The following CFAP97D1 variants were observed in gnomAD, a reference collection of about 807,000 sequenced individuals.
The protein encoded by CFAP97D1 is CFAP97 domain containing 1.
In CFAP97D1, 15 loss-of-function variants were observed where a neutral mutation model predicts 20.5. That is an observed-to-expected ratio of 0.73 (90% CI 0.49 to 1.13). The LOEUF is 1.13. Among genes scored for constraint, CFAP97D1 ranks in the 50% most tolerant of loss-of-function variants. The probability of loss-of-function intolerance (pLI) is 0.00; values close to 1 mark genes in which losing one functional copy is unlikely to be tolerated. For missense variants in CFAP97D1, 168 were observed against 202.9 expected, an observed-to-expected ratio of 0.83 and a Z score of 1.04; for synonymous variants, 58 against 71.2, an observed-to-expected ratio of 0.82 and a Z score of 0.93.
chr17:43,781,801 G>A lies in CFAP97D1; in HGVS notation c.223G>A (p.Glu75Lys), dbSNP rs775180011. 27 of 1,551,390 alleles carry A rather than the reference G, an allele frequency of 1.7e-5. No homozygotes were observed. The highest frequency in any genetic ancestry group is 1.9e-5 in the Non-Finnish European group (22 of 1,146,872). Reference protein sequence around the residue: ...QGEQKKINKIEYENKQLCQKI... With the variant: ...QGEQKKINKIKYENKQLCQKI... The stretch of plus-strand genomic sequence containing the variant: ...TGAACAAAAGAAAATCAACAAAATC[G>A]AGTATGAAAACAAGCAACTGTGTCA... The change falls in exon 3 of 6, where the codon GAG becomes AAG. Residue 75 changes from glutamate to lysine, a missense_variant. Glu to Lys is a moderately conservative substitution (Grantham distance 56). Transcript: ENST00000449302.
chr17:43,785,002 GGA>G lies in CFAP97D1; in HGVS notation c.*642_*643del, dbSNP rs112634663. 14,809 of 146,262 alleles carry G rather than the reference GGA, an allele frequency of 0.1. 805 individuals are homozygous for G. Among genetic ancestry groups the G allele is most frequent in the African/African-American group, 0.17 (6,569 of 39,618 alleles). The allele number at this position is 146,262 out of a possible 1,614,324, so 9.1% of individuals were successfully genotyped here. ...ATTTGCCAAAGAGACAGACTCAATA[GGA>G]GAGAGAGAGAGAGAGAGAGAGTGAG... On this transcript the variant is annotated 3_prime_UTR_variant, in exon 6 of 6. Coordinates refer to ENST00000449302, the MANE Select transcript of CFAP97D1 (RefSeq NM_001136483.3).
chr17:43,783,871 A>C lies in CFAP97D1; in HGVS notation c.473A>C (p.Tyr158Ser). 1 of 1,550,622 alleles carries C rather than the reference A, an allele frequency of 6.4e-7. No homozygotes were observed. The highest frequency in any genetic ancestry group is 1.2e-5 in the South Asian group (1 of 84,050). The change falls in exon 5 of 6, where the codon TAT becomes TCT. Residue 158 changes from tyrosine (Y) to serine (S), a missense_variant. By Grantham distance (144) the Tyr-to-Ser change is moderately radical. Transcript: ENST00000449302. ...SRRYIRNTTR[Y>S]LLSQNE ...CGCTATATCAGAAATACCACGAGAT[A>C]TCTTCTCTCCCAAAATGAATAGGTA... is the stretch of plus-strand genomic sequence containing the variant.
Position 43,781,106 on chromosome 17 carries a change from C to T in CFAP97D1, c.125-13C>T, listed in dbSNP as rs1359347755. On this transcript the variant is annotated splice_polypyrimidine_tract_variant and intron_variant, in intron 1 of 5. Transcript: ENST00000449302. ...GTGATGTAACATTGTTCCCTTTTATCCCCCTTCTCTAGCGAAGCCTACTGT... is the reference window on the plus strand; with the variant it reads ...GTGATGTAACATTGTTCCCTTTTATTCCCCTTCTCTAGCGAAGCCTACTGT... 5 of 1,546,750 alleles carry T rather than the reference C, an allele frequency of 3.2e-6. No individual in the cohort carries two copies. Among genetic ancestry groups the T allele is most frequent in the Non-Finnish European group, 4.4e-6 (5 of 1,142,614 alleles).
At chr17:43,783,813 A>G (rs1471993706) in intron 4 of CFAP97D1, 24 bp from the exon 5 acceptor site, 6 of 1,541,434 alleles carry the variant, frequency 3.9e-6, no homozygotes, top group Admixed American at 2.0e-5. Context: ...TGGCATTGAC[A>G]TAAACCAATT....
At chr17:43,783,728 C>T in intron 4 of CFAP97D1, 109 bp from the exon 5 acceptor site, 1 of 837,402 alleles carries the variant, frequency 1.2e-6, no homozygotes, top group Non-Finnish European at 1.9e-6. Flanking sequence ...AAAACCTCCA[C>T]TTACCGACTT....
intron 2 of CFAP97D1, 106 bp downstream of exon 2, chr17:43,781,295 C>CA: frequency 1.1e-6 from 1 of 942,430 alleles, no homozygotes; most frequent in Non-Finnish European, 1.6e-6. Flanking sequence ...CCCATCTACT[C>CA]AAAGATTTGT....
At position 43,786,873 on chromosome 17, in the gene CFAP97D1, G is replaced by A. The variant is rs1451020667; in HGVS notation, c.*2491G>A. On this transcript the variant is annotated 3_prime_UTR_variant, in exon 6 of 6. Transcript: ENST00000449302. Reference sequence around the variant, plus strand: ...GTGTGTGCCTTTTTATTGCTGAGTAGTATTCCATGGTATGGACATGCTACA... The same window carrying A: ...GTGTGTGCCTTTTTATTGCTGAGTAATATTCCATGGTATGGACATGCTACA... 6.6e-6 allele frequency: 1 copy of A among 152,134 alleles called. No individual in the cohort carries two copies. Among genetic ancestry groups the A allele is most frequent in the African/African-American group, 2.4e-5 (1 of 41,394 alleles). 9.4% of individuals were successfully genotyped at this position (152,134 alleles called of 1,614,324 possible).
Position 43,781,757 on chromosome 17 carries a change from G to T in CFAP97D1, c.196-17G>T. 6.9e-7 allele frequency: 1 copy of T among 1,454,040 alleles called. No individual in the cohort carries two copies. The highest frequency in any genetic ancestry group is 9.5e-7 in the Non-Finnish European group (1 of 1,057,880). 90.1% of individuals were successfully genotyped at this position (1,454,040 alleles called of 1,614,324 possible). On this transcript the variant is annotated splice_polypyrimidine_tract_variant and intron_variant, in intron 2 of 5. Coordinates refer to ENST00000449302, the MANE Select transcript of CFAP97D1 (RefSeq NM_001136483.3). Reference sequence around the variant, plus strand: ...GCACTGATGGTGTCACCATGGTGAGGTGTGGTTTCTTACCAGGGTGAACAA... The same window carrying T: ...GCACTGATGGTGTCACCATGGTGAGTTGTGGTTTCTTACCAGGGTGAACAA...
rs1346606134 is a variant in CFAP97D1, at chr17:43,784,867, A to G, written c.*485A>G. ...ATTGAAGTTTCCATGGACTCTGTTCATTTATAGGGAGCAGCAGCAGTGAAA... is the reference window on the plus strand; with the variant it reads ...ATTGAAGTTTCCATGGACTCTGTTCGTTTATAGGGAGCAGCAGCAGTGAAA... On this transcript the variant is annotated 3_prime_UTR_variant, in exon 6 of 6. Transcript: ENST00000449302. 2 of 152,182 alleles carry G rather than the reference A, an allele frequency of 1.3e-5. No homozygotes were observed. Among genetic ancestry groups the G allele is most frequent in the African/African-American group, 4.8e-5 (2 of 41,446 alleles). 9.4% of individuals were successfully genotyped at this position (152,182 alleles called of 1,614,324 possible).
In CFAP97D1 at chr17:43,780,487, G is replaced by A. The variant is rs981564893; in HGVS notation, c.25G>A (p.Ala9Thr). 10 of 1,551,556 alleles carry A rather than the reference G, an allele frequency of 6.4e-6. No homozygotes were observed. The highest frequency in any genetic ancestry group is 8.7e-6 in the Non-Finnish European group (10 of 1,146,984). The part of the protein sequence containing the change: MNNSLDYL[A>T]YPVIVSNHRQ... The stretch of plus-strand genomic sequence containing the variant: ...GATGAACAATTCCCTGGATTATCTG[G>A]CCTACCCTGTTATCGTCTCTAATCA... The change falls in exon 1 of 6, where the codon GCC becomes ACC. Residue 9 changes from alanine to threonine, a missense_variant. By Grantham distance (58) the Ala-to-Thr change is moderately conservative. Coordinates refer to ENST00000449302, the MANE Select transcript of CFAP97D1 (RefSeq NM_001136483.3).
chr17:43,781,356 A>T (rs1598304375), intron 2 of CFAP97D1, among the ~76,000 whole-genome samples, 167 bp downstream of exon 2: 1 of 143,140 alleles, frequency 7.0e-6, no homozygotes, highest in African/African-American at 2.6e-5. Flanking sequence ...TTCCCCCCTG[A>T]TACGGAGTCT....
Position 43,780,472 on chromosome 17 carries a change from TC to T in CFAP97D1, c.13del (p.Leu5TrpfsTer37). MNN[S>X]LDYLAYPVIV... ...AGACTAGGAAGAGAAGATGAACAATTCCCTGGATTATCTGGCCTACCCTGTT... is the reference window on the plus strand; with the variant it reads ...AGACTAGGAAGAGAAGATGAACAATTCCTGGATTATCTGGCCTACCCTGTT... On this transcript the variant is annotated frameshift_variant, in exon 1 of 6. Coordinates refer to ENST00000449302, the MANE Select transcript of CFAP97D1 (RefSeq NM_001136483.3). LOFTEE classifies it high-confidence loss of function. 1 of 1,551,634 alleles carries T rather than the reference TC, an allele frequency of 6.4e-7. No individual in the cohort carries two copies. Among genetic ancestry groups the T allele is most frequent in the Admixed American group, 2.0e-5 (1 of 51,006 alleles).
rs1430042891 is a variant in CFAP97D1, at chr17:43,781,166, A to G, written c.172A>G (p.Ile58Val). 1.3e-6 allele frequency: 2 copies of G among 1,551,474 alleles called. No individual in the cohort carries two copies. Among genetic ancestry groups the G allele is most frequent in the Admixed American group, 2.0e-5 (1 of 51,006 alleles). ...ACCTCCAGTGGCGCACACAAATCAC[A>G]TTTTAAAATTGAGCAAACTACAGGT... ...TKPPVAHTNH[I>V]LKLSKLQGEQ... Residue 58 changes from isoleucine to valine, a missense_variant, in exon 2 of 6, where the codon ATT (isoleucine) becomes GTT (valine). Transcript: ENST00000449302.
Position 43,785,362 on chromosome 17 carries a change from T to C in CFAP97D1, c.*980T>C, listed in dbSNP as rs1356559804. ...AGAGTTTTGCAGTCATAGTTATACGTACTTTTAATTACATGTAGATTAAGG... is the reference window on the plus strand; with the variant it reads ...AGAGTTTTGCAGTCATAGTTATACGCACTTTTAATTACATGTAGATTAAGG... On this transcript the variant is annotated 3_prime_UTR_variant, in exon 6 of 6. Transcript: ENST00000449302. 1 of 152,190 alleles carries C rather than the reference T, an allele frequency of 6.6e-6. No individual in the cohort carries two copies. Among genetic ancestry groups the C allele is most frequent in the Non-Finnish European group, 1.5e-5 (1 of 68,044 alleles). 9.4% of individuals were successfully genotyped at this position (152,190 alleles called of 1,614,324 possible). A position where few individuals can be genotyped will look rare whatever the true frequency, so the allele number is the denominator to read the frequency against.
Position 43,787,415 on chromosome 17 carries a change from T to C in CFAP97D1, c.*3033T>C, listed in dbSNP as rs982358396. On this transcript the variant is annotated 3_prime_UTR_variant, in exon 6 of 6. Coordinates refer to ENST00000449302, the MANE Select transcript of CFAP97D1 (RefSeq NM_001136483.3). The stretch of plus-strand genomic sequence containing the variant: ...TTTGACAGAGTAAAATATTTTTATT[T>C]GGATGACATCCAATATATCAATGAT... 1 of 152,268 alleles carries C rather than the reference T, an allele frequency of 6.6e-6. No homozygotes were observed. Among genetic ancestry groups the C allele is most frequent in the African/African-American group, 2.4e-5 (1 of 41,470 alleles). 9.4% of individuals were successfully genotyped at this position (152,268 alleles called of 1,614,324 possible). A position where few individuals can be genotyped will look rare whatever the true frequency, so the allele number is the denominator to read the frequency against.
chr17:43,781,793 A>G lies in CFAP97D1; in HGVS notation c.215A>G (p.Asn72Ser), dbSNP rs777706935. The change falls in exon 3 of 6, where the codon AAC becomes AGC. Residue 72 changes from asparagine (N) to serine (S), a missense_variant. Coordinates refer to ENST00000449302, the MANE Select transcript of CFAP97D1 (RefSeq NM_001136483.3). Reference sequence around the variant, plus strand: ...TACCAGGGTGAACAAAAGAAAATCAACAAAATCGAGTATGAAAACAAGCAA... The same window carrying G: ...TACCAGGGTGAACAAAAGAAAATCAGCAAAATCGAGTATGAAAACAAGCAA... ...SKLQGEQKKI[N>S]KIEYENKQLC... The G allele has an allele frequency of 2.6e-6, 4 of 1,551,430 alleles. No homozygotes were observed. In the Admixed American group the frequency reaches 5.9e-5, roughly 23 times the overall value.
chr17:43,780,613 T>A (rs1476552254), intron 1 of CFAP97D1, 27 bp downstream of exon 1: 1 of 1,551,372 alleles, frequency 6.4e-7, no homozygotes, highest in Non-Finnish European at 8.7e-7. Flanking sequence ...GGCTGGACAC[T>A]GCTATTAGGG....
Position 43,783,904 on chromosome 17 carries a change from C to A in CFAP97D1, c.*11C>A. 6.5e-7 allele frequency: 1 copy of A among 1,542,656 alleles called. No homozygotes were observed. Among genetic ancestry groups the A allele is most frequent in the South Asian group, 1.2e-5 (1 of 83,862 alleles). On this transcript the variant is annotated intron_variant, in intron 5 of 5. Coordinates refer to ENST00000449302, the MANE Select transcript of CFAP97D1 (RefSeq NM_001136483.3). Reference sequence around the variant, plus strand: ...TCCCAAAATGAATAGGTATGTCTCTCTTACTATCAAACACTGTGACCACAG... The same window carrying A: ...TCCCAAAATGAATAGGTATGTCTCTATTACTATCAAACACTGTGACCACAG...
At chr17:43,783,789 TA>T in intron 4 of CFAP97D1, 47 bp from the exon 5 acceptor site, 1 of 1,364,622 alleles carries the variant, frequency 7.3e-7, no homozygotes. Flanking sequence ...ACTTCAGTAA[TA>T]GCACCAATGC....
Sources: allele counts gnomAD v4.1 joint callset (sites outside exome capture counted in the v4.1 genomes callset), GRCh38; gene constraint gnomAD v4.1.1; transcripts MANE v1.5; gene names NCBI Gene and HGNC (gene_info 2026-07-23, HGNC 2026-07-21).